Variants in SEC24D observed in about 807,000 individuals in gnomAD.
SEC24D encodes protein transport protein Sec24D.
A neutral mutation model predicts 116.9 loss-of-function variants in SEC24D; 69 were observed. That is an observed-to-expected ratio of 0.59 (90% CI 0.49 to 0.72). The LOEUF is 0.72. Ranked by LOEUF, SEC24D falls within the 30% of genes least tolerant of loss-of-function variation. SEC24D has a pLI of 0.00. For missense variants in SEC24D, 1,131 were observed against 1,264.1 expected (o/e 0.89, Z 1.60); for synonymous variants, 405 against 442.8 (o/e 0.91, Z 1.07).
intron 2 of SEC24D, among the ~76,000 whole-genome samples, chr4:118,828,703 C>A (rs1350162312): frequency 1.3e-5 from 2 of 152,182 alleles, no homozygotes; most frequent in African/African-American, 2.4e-5. Flanking sequence ...GTATGCCCAG[C>A]TGTAATTCCT....
chr4:118,724,437 T>A (rs529217901), intron 22 of SEC24D, among the ~76,000 whole-genome samples: 1 of 152,112 alleles, frequency 6.6e-6, no homozygotes, highest in Non-Finnish European at 1.5e-5. Context: ...ATTTTCTATA[T>A]AAGATTCTAG....
chr4:118,802,651 C>T (rs1729493750), intron 7 of SEC24D, among the ~76,000 whole-genome samples: 2 of 152,214 alleles, frequency 1.3e-5, no homozygotes, highest in South Asian at 4.1e-4. Context: ...GACTGAGACC[C>T]TGCCACCTTA....
Position 118,757,725 on chromosome 4 carries a change from G to A in SEC24D, c.1417C>T (p.Pro473Ser), listed in dbSNP as rs750654909. 4.4e-5 allele frequency: 70 copies of A among 1,604,554 alleles called. No homozygotes were observed. The highest frequency in any genetic ancestry group is 5.9e-5 in the Non-Finnish European group (69 of 1,177,120). Residue 473 changes from proline (P) to serine (S), a missense_variant, in exon 11 of 23, where the codon CCA becomes TCA. Transcript: ENST00000280551. ...EELKTMLEKI[P>S]KEEQEETSAI... Reference sequence around the variant, plus strand: ...AAAGAATGACGGTTGCCTTACTTTGGAATTTTTTCCAGCATGGTCTTCAGT... The same window carrying A: ...AAAGAATGACGGTTGCCTTACTTTGAAATTTTTTCCAGCATGGTCTTCAGT...
intron 8 of SEC24D, among the ~76,000 whole-genome samples, chr4:118,785,968 A>G (rs554382562): frequency 1.4e-4 from 22 of 152,346 alleles, no homozygotes; most frequent in African/African-American, 4.6e-4. Context: ...TTGATATTGT[A>G]TAGCAAATAA....
chr4:118,733,242 GTGT>G, intron 19 of SEC24D: 1 of 130,040 alleles, frequency 7.7e-6, no homozygotes, highest in East Asian at 2.2e-4. Context: ...CTTTTTCTCA[GTGT>G]TTTTTTTTTT....
rs1489193969 is a variant in SEC24D, at chr4:118,736,067, A to C, written c.2496+2194T>G. 3 of 126,362 alleles carry C rather than the reference A, an allele frequency of 2.4e-5. No individual in the cohort carries two copies. The East Asian group carries it at 6.8e-4, about 28-fold the overall frequency. 7.8% of individuals were successfully genotyped at this position (126,362 alleles called of 1,614,324 possible). A position where few individuals can be genotyped will look rare whatever the true frequency, so the allele number is the denominator to read the frequency against. On this transcript the variant is annotated intron_variant, in intron 19 of 22. Coordinates refer to ENST00000280551, the MANE Select transcript of SEC24D (RefSeq NM_014822.4). The stretch of plus-strand genomic sequence containing the variant: ...TTTGCCCACGCTGGAGTCGAGTGGC[A>C]TGATCTCGGCTCACTGCAACGTCCA...
In SEC24D at chr4:118,744,029, G is replaced by A. The variant is rs1299791176; in HGVS notation, c.1954C>T (p.Gln652Ter). ...VDVASLGLVP[Q>*]LTGGTLYKYN... is the part of the protein sequence containing the mutation. ...TTGTAAAGGGTTCCTCCAGTGAGCT[G>A]AGGAACCAGCCCCAGCGAGGCCACG... Residue 652 changes from glutamine to a stop codon, truncating the protein, a stop_gained, in exon 15 of 23, where the codon CAG becomes TAG. Coordinates refer to ENST00000280551, the MANE Select transcript of SEC24D (RefSeq NM_014822.4). LOFTEE classifies it high-confidence loss of function. 1 of 1,612,806 alleles carries A rather than the reference G, an allele frequency of 6.2e-7. No homozygotes were observed. Among genetic ancestry groups the A allele is most frequent in the South Asian group, 1.1e-5 (1 of 90,776 alleles).
intron 8 of SEC24D, among the ~76,000 whole-genome samples, chr4:118,793,389 C>G (rs1278869854): frequency 6.7e-6 from 1 of 148,554 alleles, no homozygotes; most frequent in Admixed American, 6.7e-5. Flanking sequence ...ATGGCGTGAA[C>G]CCGGGAGGCG....
intron 22 of SEC24D, among the ~76,000 whole-genome samples, chr4:118,725,929 T>C (rs1372125093): frequency 6.6e-6 from 1 of 152,080 alleles, no homozygotes; most frequent in Non-Finnish European, 1.5e-5. Context: ...CTGGTATGGA[T>C]TGGTAGATCC....
At chr4:118,805,659 C>G (rs1283694569) in intron 7 of SEC24D, among the ~76,000 whole-genome samples, 184 bp downstream of exon 7, 1 of 152,152 alleles carries the variant, frequency 6.6e-6, no homozygotes, top group South Asian at 2.1e-4. Flanking sequence ...GACTTCCATA[C>G]GCACAGAATA....
chr4:118,824,742 C>T lies in SEC24D; in HGVS notation c.126G>A (p.Met42Ile). Reference sequence around the variant, plus strand: ...TGGCCCCCAAAGGCCCTGCTGGCTTCATCATACCTGCAAGAGAGGGGCATG... The same window carrying T: ...TGGCCCCCAAAGGCCCTGCTGGCTTTATCATACCTGCAAGAGAGGGGCATG... Reference protein sequence around the residue: ...PSHTASPTGMMKPAGPLGATA... With the variant: ...PSHTASPTGMIKPAGPLGATA... The change falls in exon 3 of 23, where the codon ATG becomes ATA. Residue 42 changes from methionine to isoleucine, a missense_variant. Coordinates refer to ENST00000280551, the MANE Select transcript of SEC24D (RefSeq NM_014822.4). 1 of 1,587,684 alleles carries T rather than the reference C, an allele frequency of 6.3e-7. No individual in the cohort carries two copies. The highest frequency in any genetic ancestry group is 8.5e-7 in the Non-Finnish European group (1 of 1,171,072).
intron 13 of SEC24D, among the ~76,000 whole-genome samples, chr4:118,747,349 CTCTGCCTCCTGGGTTCAAGCGATTCT>C (rs1464240131): frequency 6.7e-6 from 1 of 148,488 alleles, no homozygotes; most frequent in East Asian, 2.0e-4. Context: ...TCACCACAAC[CTCTGCCTCCTGGGTTCAAGCGATTCT>C]TCTGCCTCAG....
Position 118,757,841 on chromosome 4 carries a change from C to T in SEC24D, c.1301G>A (p.Ser434Asn). 1.2e-6 allele frequency: 2 copies of T among 1,606,078 alleles called. No homozygotes were observed. The highest frequency in any genetic ancestry group is 1.7e-4 in the Middle Eastern group (1 of 5,896). The change falls in exon 11 of 23, where the codon AGT (serine) becomes AAT (asparagine). Residue 434 changes from serine to asparagine, a missense_variant. Transcript: ENST00000280551. ...AAAGGCTGGTGGGTTGGGAGGCTTA[C>T]TCTTCTATAGGAAAGCAAACACATC... ...YVATLDYCRK[S>N]KPPNPPAFIF...
intron 15 of SEC24D, 114 bp from the exon 16 acceptor site, chr4:118,741,151 AT>A (rs1033500485): frequency 1.3e-5 from 7 of 547,136 alleles, no homozygotes; most frequent in South Asian, 7.5e-5. Context: ...GATTTAGCAT[AT>A]TTTTTTATTA....
rs896552848 is a variant in SEC24D, at chr4:118,764,719, A to C, written c.1296+83T>G. On this transcript the variant is annotated intron_variant, in intron 10 of 22. Transcript: ENST00000280551. The stretch of plus-strand genomic sequence containing the variant: ...CACCAAAATGCTTTGTTTGTGAATC[A>C]AGAGTCAGTTCTTTACATATGAAAG... 6.4e-6 allele frequency: 5 copies of C among 783,916 alleles called. No individual in the cohort carries two copies. In the African/African-American group the frequency reaches 8.7e-5, roughly 14 times the overall value. 48.6% of individuals were successfully genotyped at this position (783,916 alleles called of 1,614,324 possible).
intron 10 of SEC24D, chr4:118,764,477 C>G (rs1436226492): frequency 5.9e-6 from 1 of 168,308 alleles, no homozygotes; most frequent in Admixed American, 6.2e-5. Flanking sequence ...AGACTCTTTA[C>G]AAAATAAGGG....
intron 11 of SEC24D, among the ~76,000 whole-genome samples, chr4:118,756,132 C>A (rs1241092526): frequency 6.6e-6 from 1 of 151,890 alleles, no homozygotes; most frequent in African/African-American, 2.4e-5. Context: ...GAGAGAAAGA[C>A]CATTTCCAGC....
intron 18 of SEC24D, 31 bp downstream of exon 18, chr4:118,739,118 T>C: frequency 6.2e-7 from 1 of 1,611,078 alleles, no homozygotes; most frequent in Non-Finnish European, 8.5e-7. Context: ...TAAGCAAGGT[T>C]TACTGAACCT....
At chr4:118,829,618 G>A (rs1730753824) in intron 2 of SEC24D, among the ~76,000 whole-genome samples, 1 of 152,086 alleles carries the variant, frequency 6.6e-6, no homozygotes, top group Non-Finnish European at 1.5e-5. Context: ...TTTGAGACCA[G>A]CCTGACCAAC....
Sources: allele counts gnomAD v4.1 joint callset (sites outside exome capture counted in the v4.1 genomes callset), GRCh38; gene constraint gnomAD v4.1.1; transcripts MANE v1.5; gene names NCBI Gene and HGNC (gene_info 2026-07-23, HGNC 2026-07-21).